HUNK: variants seen among roughly 807,000 people sequenced by gnomAD.
HUNK encodes the protein hormonally up-regulated Neu-associated kinase, also known as hormonally up-regulated neu tumor-associated kinase.
In HUNK, 21 loss-of-function variants were observed where a neutral mutation model predicts 61.0. That is an observed-to-expected ratio of 0.34 (90% CI 0.24 to 0.50). The LOEUF is 0.50. Among genes scored for constraint, HUNK ranks in the 20% least tolerant of loss-of-function variants. The pLI, the probability that HUNK is intolerant of heterozygous loss-of-function variation, is 0.98. For missense variants in HUNK, 772 were observed against 945.7 expected (o/e 0.82, Z 2.41); for synonymous variants, 371 against 386.1 (o/e 0.96, Z 0.46).
At chr21:31,893,733 G>C (rs555882035) in intron 1 of HUNK, among the ~76,000 whole-genome samples, 20 of 152,312 alleles carry the variant, frequency 1.3e-4, no homozygotes, top group African/African-American at 4.6e-4. Flanking sequence ...AGTATGGTTT[G>C]AGAAAGTTTG....
intron 8 of HUNK, among the ~76,000 whole-genome samples, chr21:31,985,082 CCTCT>C: frequency 6.6e-6 from 1 of 152,220 alleles, no homozygotes; most frequent in South Asian, 2.1e-4. Context: ...ATGGGGGAAA[CCTCT>C]CTCATGATTC....
chr21:31,988,055 T>A (rs1012650611), intron 8 of HUNK, among the ~76,000 whole-genome samples: 2 of 152,256 alleles, frequency 1.3e-5, no homozygotes, highest in Non-Finnish European at 2.9e-5. Context: ...AGGAGCTGAA[T>A]TAAGTTGCAA....
At chr21:31,916,597 T>G (rs954097439) in intron 1 of HUNK, among the ~76,000 whole-genome samples, 3 of 152,078 alleles carry the variant, frequency 2.0e-5, no homozygotes, top group Admixed American at 6.6e-5. Flanking sequence ...CTGTCCTGTG[T>G]TGGGGAGAGC....
intron 1 of HUNK, among the ~76,000 whole-genome samples, chr21:31,879,317 T>C (rs2052288913): frequency 2.0e-5 from 3 of 152,204 alleles, no homozygotes. Context: ...AAGGAGGCAT[T>C]TGCAAAGCAC....
At chr21:31,959,122 G>C in intron 5 of HUNK, 152 bp downstream of exon 5, 1 of 765,452 alleles carries the variant, frequency 1.3e-6, no homozygotes, top group Non-Finnish European at 1.9e-6. Context: ...AGTGTCAAGG[G>C]GTGGTTGGGT....
At chr21:31,974,493 G>A (rs1334260654) in intron 6 of HUNK, 62 bp from the exon 7 acceptor site, 1 of 1,458,910 alleles carries the variant, frequency 6.9e-7, no homozygotes, top group Non-Finnish European at 9.2e-7. Context: ...TGCCCAGGGG[G>A]TCTGTGTGGG....
chr21:31,923,517 AGGAGGGAGGAAG>A (rs1568926181), intron 1 of HUNK, among the ~76,000 whole-genome samples: 2 of 135,570 alleles, frequency 1.5e-5, no homozygotes, highest in Admixed American at 7.8e-5. Flanking sequence ...GAGAGAGGGA[AGGAGGGAGGAAG>A]GGAGGGAGGA....
intron 6 of HUNK, among the ~76,000 whole-genome samples, chr21:31,969,936 C>T (rs1358052954): frequency 6.6e-6 from 1 of 152,102 alleles, no homozygotes; most frequent in Non-Finnish European, 1.5e-5. Context: ...AATGAGGGCC[C>T]TTATTTTGGC....
At chr21:31,990,070 T>G in intron 8 of HUNK, 59 bp from the exon 9 acceptor site, 1 of 1,462,242 alleles carries the variant, frequency 6.8e-7, no homozygotes, top group Non-Finnish European at 9.6e-7. Flanking sequence ...GGGGAAGCAT[T>G]TAGGGAATAA....
intron 5 of HUNK, among the ~76,000 whole-genome samples, chr21:31,961,016 G>T (rs2052924198): frequency 6.6e-6 from 1 of 152,256 alleles, no homozygotes; most frequent in Non-Finnish European, 1.5e-5. Context: ...TGAGTAATTT[G>T]TGTGACAGCC....
chr21:31,890,665 T>C (rs1388246250), intron 1 of HUNK, among the ~76,000 whole-genome samples: 2 of 152,240 alleles, frequency 1.3e-5, no homozygotes, highest in African/African-American at 4.8e-5. Context: ...TACATGATAC[T>C]GCTGTTGCTA....
chr21:31,970,935 C>T (rs1302112405), intron 6 of HUNK, among the ~76,000 whole-genome samples: 1 of 152,176 alleles, frequency 6.6e-6, no homozygotes, highest in Non-Finnish European at 1.5e-5. Context: ...GATTGTAAAA[C>T]TGGCTGAGAT....
intron 2 of HUNK, among the ~76,000 whole-genome samples, chr21:31,930,038 A>C (rs758519160): frequency 6.6e-6 from 1 of 152,204 alleles, no homozygotes; most frequent in East Asian, 1.9e-4. Context: ...TTTGTGTTTA[A>C]TTGGGTTTAA....
intron 1 of HUNK, among the ~76,000 whole-genome samples, chr21:31,904,948 C>T (rs1243111048): frequency 1.3e-5 from 2 of 151,954 alleles, no homozygotes; most frequent in African/African-American, 4.8e-5. Flanking sequence ...CACGGTGGTG[C>T]ACACCTGTAA....
chr21:31,932,068 C>T (rs929020021), intron 2 of HUNK, among the ~76,000 whole-genome samples: 5 of 152,156 alleles, frequency 3.3e-5, no homozygotes, highest in South Asian at 4.2e-4. Flanking sequence ...CACCCACACA[C>T]GTACACTCAT....
intron 1 of HUNK, among the ~76,000 whole-genome samples, chr21:31,914,748 G>T (rs2052570431): frequency 6.6e-6 from 1 of 152,190 alleles, no homozygotes; most frequent in African/African-American, 2.4e-5. Context: ...CAGAGACAGA[G>T]AGAGTTCTGG....
intron 1 of HUNK, among the ~76,000 whole-genome samples, chr21:31,886,029 C>G (rs945514548): frequency 6.6e-6 from 1 of 152,210 alleles, no homozygotes; most frequent in Admixed American, 6.5e-5. Context: ...TGAGCCACCA[C>G]GCTTGGCCTA....
intron 6 of HUNK, among the ~76,000 whole-genome samples, chr21:31,968,715 AGTGTGTGT>A (rs746064468): frequency 1.1e-3 from 93 of 88,344 alleles, no homozygotes; most frequent in Admixed American, 2.0e-3. Flanking sequence ...CTGTGGCCCG[AGTGTGTGT>A]GTGTGTGTGT....
At chr21:31,990,645 C>T (rs1003511492) in intron 9 of HUNK, among the ~76,000 whole-genome samples, 11 of 151,920 alleles carry the variant, frequency 7.2e-5, no homozygotes, top group South Asian at 2.1e-4. Flanking sequence ...AAGCAATTCT[C>T]CGGCCTCAGC....
Sources: allele counts gnomAD v4.1 joint callset (sites outside exome capture counted in the v4.1 genomes callset), GRCh38; gene constraint gnomAD v4.1.1; transcripts MANE v1.5; gene names NCBI Gene and HGNC (gene_info 2026-07-23, HGNC 2026-07-21).